PCMTD1: variants seen among roughly 807,000 people sequenced by gnomAD.
PCMTD1 encodes the protein protein-L-isoaspartate (D-aspartate) O-methyltransferase domain containing 1.
In PCMTD1, 12 loss-of-function variants were observed where a neutral mutation model predicts 37.6. The observed-to-expected ratio is 0.32, with a 90% CI of 0.20 to 0.52. The LOEUF (loss-of-function observed/expected upper bound fraction) is 0.52, where lower values mean the gene tolerates loss of function less well. Ranked by LOEUF, PCMTD1 falls within the 20% of genes least tolerant of loss-of-function variation. The pLI, the probability that PCMTD1 is intolerant of heterozygous loss-of-function variation, is 0.97. For synonymous variants in PCMTD1, 117 were observed against 135.8 expected, an observed-to-expected ratio of 0.86 and a Z score of 0.96; for missense variants, 235 against 421.3, an observed-to-expected ratio of 0.56 and a Z score of 3.87.
chr8:51,840,676 A>C (rs2038135512), intron 3 of PCMTD1, among the ~76,000 whole-genome samples: 1 of 152,292 alleles, frequency 6.6e-6, no homozygotes, highest in South Asian at 2.1e-4. Context: ...AATGCAAATC[A>C]TATGTGAAAA....
intron 1 of PCMTD1, among the ~76,000 whole-genome samples, chr8:51,889,865 CGTGTGTGTGTGTGTGTGT>C: frequency 6.7e-6 from 1 of 149,132 alleles, no homozygotes; most frequent in South Asian, 2.1e-4. Context: ...TAAGGATATA[CGTGTGTGTGTGTGTGTGT>C]GTGTGTGTGT....
intron 5 of PCMTD1, among the ~76,000 whole-genome samples, chr8:51,822,655 G>A (rs1242188115): frequency 6.6e-6 from 1 of 152,180 alleles, no homozygotes; most frequent in East Asian, 1.9e-4. Context: ...TGCAGAGTGT[G>A]TGCTGCCTTT....
intron 2 of PCMTD1, among the ~76,000 whole-genome samples, chr8:51,848,267 A>G (rs1431066482): frequency 6.6e-6 from 1 of 151,914 alleles, no homozygotes; most frequent in East Asian, 1.9e-4. Context: ...GGGCTGGGCA[A>G]CAGAGTGAGA....
Position 51,860,454 on chromosome 8 carries a change from T to C in PCMTD1, c.307+391A>G, listed in dbSNP as rs140481731. On this transcript the variant is annotated intron_variant, in intron 2 of 5. Transcript: ENST00000522514. ...TTTACCCTAACAGTGCCACATCTTA[T>C]ATATCCCACATTCTCCTGTCTCTCT... 447 of 164,656 alleles carry C rather than the reference T, an allele frequency of 2.7e-3. 1 individual carries two copies. The highest frequency in any genetic ancestry group is 4.8e-3 in the Non-Finnish European group (359 of 75,354). 10.2% of individuals were successfully genotyped at this position (164,656 alleles called of 1,614,324 possible).
At chr8:51,857,910 T>G (rs1235517393) in intron 2 of PCMTD1, among the ~76,000 whole-genome samples, 2 of 152,134 alleles carry the variant, frequency 1.3e-5, no homozygotes, top group African/African-American at 4.8e-5. Flanking sequence ...GAGAATCACT[T>G]GAGCCCAGTA....
chr8:51,887,007 T>G (rs1333735196), intron 1 of PCMTD1, among the ~76,000 whole-genome samples: 1 of 152,024 alleles, frequency 6.6e-6, no homozygotes, highest in Non-Finnish European at 1.5e-5. Context: ...TTCTTCCATC[T>G]GCAAAGCAAG....
At position 51,820,500 on chromosome 8, in the gene PCMTD1, C is replaced by T. The variant is rs780325471; in HGVS notation, c.925G>A (p.Glu309Lys). 2 of 1,613,916 alleles carry T rather than the reference C, an allele frequency of 1.2e-6. No homozygotes were observed. The highest frequency in any genetic ancestry group is 2.2e-5 in the East Asian group (1 of 44,862). ...PLDSEEDEKM[E>K]EDNKEEEEKD... ...TCCTCCTCTTCTTTGTTATCCTCTT[C>T]CATTTTTTCATCCTCTTCACTGTCT... is the stretch of plus-strand genomic sequence containing the variant. Residue 309 changes from glutamate (E) to lysine (K), a missense_variant, in exon 6 of 6, where the codon GAA (glutamate) becomes AAA (lysine). This residue lies in a region of PCMTD1 where 41 missense variants were observed against 36.4 expected (regional missense o/e 1.13). Coordinates refer to ENST00000522514, the MANE Select transcript of PCMTD1 (RefSeq NM_052937.4).
intron 1 of PCMTD1, among the ~76,000 whole-genome samples, chr8:51,875,391 G>A (rs935200751): frequency 1.3e-5 from 2 of 152,096 alleles, no homozygotes. Flanking sequence ...AATCCACACA[G>A]GTTATGGTGG....
chr8:51,833,501 A>G lies in PCMTD1; in HGVS notation c.582+17T>C. On this transcript the variant is annotated intron_variant, in intron 4 of 5. Transcript: ENST00000522514. ...CTTGCTTCCTAGGCCACTAAAGAAA[A>G]GGAGAGTGGAAGTTACCTGATCCTC... 6.3e-7 allele frequency: 1 copy of G among 1,588,922 alleles called. No homozygotes were observed. The highest frequency in any genetic ancestry group is 8.6e-7 in the Non-Finnish European group (1 of 1,167,780).
intron 3 of PCMTD1, among the ~76,000 whole-genome samples, chr8:51,838,698 G>A (rs2038102170): frequency 6.6e-6 from 1 of 152,032 alleles, no homozygotes; most frequent in Admixed American, 6.6e-5. Context: ...AAAACTGTAT[G>A]TTACCTAAGT....
chr8:51,898,788 C>T, intron 1 of PCMTD1, 142 bp downstream of exon 1: 1 of 850,278 alleles, frequency 1.2e-6, no homozygotes, highest in African/African-American at 1.8e-5. Context: ...CCTGCCCGCC[C>T]TTAAGTCCCC....
At chr8:51,886,330 A>G (rs1401379317) in intron 1 of PCMTD1, among the ~76,000 whole-genome samples, 1 of 152,214 alleles carries the variant, frequency 6.6e-6, no homozygotes, top group African/African-American at 2.4e-5. Flanking sequence ...ATTTAAAACT[A>G]TAGCCCCTCA....
chr8:51,829,112 T>A (rs1317234417), intron 5 of PCMTD1, among the ~76,000 whole-genome samples: 2 of 152,222 alleles, frequency 1.3e-5, no homozygotes, highest in Non-Finnish European at 2.9e-5. Context: ...TTTTTAGAAC[T>A]GACTGCTTAA....
intron 1 of PCMTD1, among the ~76,000 whole-genome samples, chr8:51,868,176 G>C (rs1018888935): frequency 6.6e-6 from 1 of 152,040 alleles, no homozygotes; most frequent in Admixed American, 6.6e-5. Flanking sequence ...ACTTGGTGTG[G>C]GGGGGTGTGG....
rs1327636913 is a variant in PCMTD1 at position 51,833,572 on chromosome 8, G to A, written c.528C>T (p.Tyr176=). Residue 176 remains tyrosine, a synonymous_variant, in exon 4 of 6, where the codon TAC becomes TAT. Transcript: ENST00000522514. ...GAGVQKDHEN[Y]MKILLKVGGI... is the part of the protein sequence containing the mutation. ...CTCCAACTTTTAGTAATATTTTCAT[G>A]TAGTTTTCATGGTCTTTCTGCACTC... 5 of 1,612,604 alleles carry A rather than the reference G, an allele frequency of 3.1e-6. No individual in the cohort carries two copies. The highest frequency in any genetic ancestry group is 4.2e-6 in the Non-Finnish European group (5 of 1,179,300).
chr8:51,880,797 G>A (rs560002232), intron 1 of PCMTD1, among the ~76,000 whole-genome samples: 32 of 152,190 alleles, frequency 2.1e-4, no homozygotes, highest in Non-Finnish European at 4.0e-4. Context: ...GGATTTGCAG[G>A]CAATAGTTTC....
chr8:51,830,099 C>A (rs990827066), intron 5 of PCMTD1, among the ~76,000 whole-genome samples: 2 of 152,162 alleles, frequency 1.3e-5, no homozygotes, highest in Non-Finnish European at 2.9e-5. Context: ...TTTCAACACC[C>A]TGGGGACCTG....
intron 5 of PCMTD1, among the ~76,000 whole-genome samples, chr8:51,826,419 T>C (rs2037922055): frequency 6.6e-6 from 1 of 152,150 alleles, no homozygotes; most frequent in Non-Finnish European, 1.5e-5. Flanking sequence ...ATACCTAATG[T>C]AGGTCATGGG....
chr8:51,818,047 C>T lies in PCMTD1; in HGVS notation c.*2304G>A, dbSNP rs1035801530. 11 of 420,306 alleles carry T rather than the reference C, an allele frequency of 2.6e-5. No individual in the cohort carries two copies. Among genetic ancestry groups the T allele is most frequent in the Non-Finnish European group, 5.2e-5 (11 of 210,480 alleles). The allele number at this position is 420,306 out of a possible 1,614,324, so 26.0% of individuals were successfully genotyped here. A position where few individuals can be genotyped will look rare whatever the true frequency, so the allele number is the denominator to read the frequency against. ...TTAATCTTTATTTGCTACTTTTCCA[C>T]CTATAAAGCGTAATTTTCCATATCA... is the stretch of plus-strand genomic sequence containing the variant. On this transcript the variant is annotated 3_prime_UTR_variant, in exon 6 of 6. Coordinates refer to ENST00000522514, the MANE Select transcript of PCMTD1 (RefSeq NM_052937.4).
Sources: gnomAD v4.1 joint callset for allele counts (sites outside exome capture counted in the v4.1 genomes callset) on GRCh38, gnomAD v4.1.1 for gene constraint, gnomAD v4.1.1 regional missense constraint, MANE v1.5 for transcripts, NCBI Gene and HGNC (gene_info 2026-07-23, HGNC 2026-07-21) for gene names.